Variants in USP32 observed in about 807,000 individuals in gnomAD.
USP32 encodes ubiquitin specific peptidase 32, also known as ubiquitin carboxyl-terminal hydrolase 32.
Under a neutral mutation model 204.8 loss-of-function variants are expected in USP32, and 59 were observed. That is an observed-to-expected ratio of 0.29 (90% CI 0.23 to 0.36). The LOEUF is 0.36. Ranked by LOEUF, USP32 falls within the 10% of genes least tolerant of loss-of-function variation. USP32 has a pLI of 1.00. For missense variants in USP32, 1,160 were observed against 1,946.4 expected, an observed-to-expected ratio of 0.60 and a Z score of 7.60; for synonymous variants, 517 against 678.4, an observed-to-expected ratio of 0.76 and a Z score of 3.70.
At chr17:60,189,119 G>C (rs367808662) in intron 29 of USP32, among the ~76,000 whole-genome samples, 1 of 152,256 alleles carries the variant, frequency 6.6e-6, no homozygotes. Flanking sequence ...AAAGATTTAT[G>C]AATCTATCAA....
chr17:60,411,288 C>T (rs970205911), intron 1 of USP32, among the ~76,000 whole-genome samples: 1 of 151,660 alleles, frequency 6.6e-6, no homozygotes, highest in Non-Finnish European at 1.5e-5. Flanking sequence ...TGCCCGATTG[C>T]ACTCCAGCCT....
chr17:60,339,901 A>G (rs2088618729), intron 2 of USP32, among the ~76,000 whole-genome samples: 1 of 152,246 alleles, frequency 6.6e-6, no homozygotes, highest in Non-Finnish European at 1.5e-5. Flanking sequence ...TACTATTAAA[A>G]CAAAACATTA....
intron 2 of USP32, among the ~76,000 whole-genome samples, chr17:60,306,412 T>A (rs2087724134): frequency 6.6e-6 from 1 of 151,314 alleles, no homozygotes; most frequent in Non-Finnish European, 1.5e-5. Flanking sequence ...CCGAGGGGGG[T>A]GGATCATTTG....
intron 1 of USP32, among the ~76,000 whole-genome samples, chr17:60,367,998 T>G (rs2089352885): frequency 6.6e-6 from 1 of 152,162 alleles, no homozygotes. Context: ...CTGCTTAGGT[T>G]ACATGCAAAT....
intron 1 of USP32, among the ~76,000 whole-genome samples, chr17:60,407,382 C>T (rs1213558660): frequency 1.3e-5 from 2 of 151,962 alleles, no homozygotes; most frequent in Non-Finnish European, 2.9e-5. Context: ...AAATTATGAC[C>T]AATTGGAGTA....
intron 1 of USP32, among the ~76,000 whole-genome samples, chr17:60,410,244 G>A (rs2090007457): frequency 6.6e-6 from 1 of 152,118 alleles, no homozygotes; most frequent in Non-Finnish European, 1.5e-5. Flanking sequence ...TGGCTCATCT[G>A]GTCTTGTAAC....
intron 3 of USP32, among the ~76,000 whole-genome samples, chr17:60,297,839 C>T (rs1393877550): frequency 6.6e-6 from 1 of 152,168 alleles, no homozygotes; most frequent in East Asian, 1.9e-4. Context: ...ATATTGAAAA[C>T]AGTTGCAGCT....
At chr17:60,256,839 C>A in intron 9 of USP32, 1 of 785,226 alleles carries the variant, frequency 1.3e-6, no homozygotes, top group South Asian at 1.7e-5. Context: ...TTGGGCCAGT[C>A]AACATTAATC....
intron 11 of USP32, among the ~76,000 whole-genome samples, chr17:60,248,458 T>C (rs1343309322): frequency 2.0e-5 from 3 of 152,220 alleles, no homozygotes; most frequent in Non-Finnish European, 2.9e-5. Context: ...TTTCTGCTTC[T>C]TTCTTTCCTT....
At chr17:60,354,428 TAA>T (rs1276974937) in intron 1 of USP32, among the ~76,000 whole-genome samples, 1 of 152,130 alleles carries the variant, frequency 6.6e-6, no homozygotes, top group Admixed American at 6.6e-5. Context: ...ACCACAGAGA[TAA>T]ATAAACATTG....
At chr17:60,375,928 A>T (rs2089531527) in intron 1 of USP32, among the ~76,000 whole-genome samples, 2 of 152,188 alleles carry the variant, frequency 1.3e-5, no homozygotes, top group Admixed American at 6.5e-5. Context: ...TTTCTAAACT[A>T]ATTTGGAAAG....
At chr17:60,355,307 T>C (rs2089041499) in intron 1 of USP32, among the ~76,000 whole-genome samples, 1 of 152,156 alleles carries the variant, frequency 6.6e-6, no homozygotes, top group Non-Finnish European at 1.5e-5. Context: ...GAGGAACAAG[T>C]CAACTTTCAT....
intron 12 of USP32, chr17:60,231,517 C>T: frequency 2.0e-6 from 1 of 507,944 alleles, no homozygotes; most frequent in Non-Finnish European, 4.0e-6. Flanking sequence ...CTCAACTACA[C>T]ATGTCTGAGG....
chr17:60,270,877 C>T (rs1598173933), intron 6 of USP32, among the ~76,000 whole-genome samples: 1 of 151,764 alleles, frequency 6.6e-6, no homozygotes, highest in African/African-American at 2.4e-5. Flanking sequence ...GAGAGCACCT[C>T]GGAGATGGTC....
intron 2 of USP32, among the ~76,000 whole-genome samples, chr17:60,340,935 G>C (rs143646639): frequency 4.6e-5 from 7 of 152,114 alleles, no homozygotes; most frequent in African/African-American, 1.7e-4. Context: ...ATGAAGCTCA[G>C]TTTGGCTAGA....
chr17:60,256,903 T>C lies in USP32; in HGVS notation c.991-1645A>G, dbSNP rs1397329641. On this transcript the variant is annotated intron_variant, in intron 9 of 33. Transcript: ENST00000300896. Reference sequence around the variant, plus strand: ...CTCCAGAGTATCCAGGTCCTTCCCATAGAATAAAAAACACTGACCAACAAC... The same window carrying C: ...CTCCAGAGTATCCAGGTCCTTCCCACAGAATAAAAAACACTGACCAACAAC... 3 of 443,456 alleles carry C rather than the reference T, an allele frequency of 6.8e-6. No individual in the cohort carries two copies. In the East Asian group the frequency reaches 2.3e-4, roughly 35 times the overall value. The allele number at this position is 443,456 out of a possible 1,614,324, so 27.5% of individuals were successfully genotyped here. A position where few individuals can be genotyped will look rare whatever the true frequency, so the allele number is the denominator to read the frequency against.
chr17:60,337,645 T>C (rs1438498020), intron 2 of USP32, among the ~76,000 whole-genome samples: 2 of 152,040 alleles, frequency 1.3e-5, no homozygotes, highest in African/African-American at 4.8e-5. Flanking sequence ...GGGAGGCTGA[T>C]GAGGGAGGAC....
rs186921935 is a variant in USP32, at chr17:60,260,774, A to G, written c.990+4638T>C. ...ATAATCGCTTATACAGTATTATTCAATTTTTAAATATAGAACACACACACA... is the reference window on the plus strand; with the variant it reads ...ATAATCGCTTATACAGTATTATTCAGTTTTTAAATATAGAACACACACACA... On this transcript the variant is annotated intron_variant, in intron 9 of 33. Coordinates refer to ENST00000300896, the MANE Select transcript of USP32 (RefSeq NM_032582.4). Among the ~76,000 whole-genome samples the G allele has an allele frequency of 6.9e-4, 105 of 152,252 alleles. 1 individual carries two copies. Among genetic ancestry groups the G allele is most frequent in the African/African-American group, 2.4e-3 (98 of 41,542 alleles).
intron 1 of USP32, among the ~76,000 whole-genome samples, chr17:60,383,237 A>C (rs1936208853): frequency 2.9e-5 from 3 of 102,102 alleles, no homozygotes; most frequent in African/African-American, 3.2e-4. Context: ...CATCGTCCCA[A>C]AAAAAAAAAA....
Sources: allele counts gnomAD v4.1 joint callset (sites outside exome capture counted in the v4.1 genomes callset), GRCh38; gene constraint gnomAD v4.1.1; transcripts MANE v1.5; gene names NCBI Gene and HGNC (gene_info 2026-07-23, HGNC 2026-07-21).